Variants in DYNC2H1 observed in about 807,000 individuals in gnomAD.
DYNC2H1 encodes the protein dynein cytoplasmic 2 heavy chain 1, also known as cytoplasmic dynein 2 heavy chain 1.
DYNC2H1 carries 410 observed loss-of-function variants against 570.0 expected under a neutral mutation model. The ratio of observed to expected loss-of-function variants is 0.72; its 90% CI spans 0.66 to 0.78. The LOEUF (loss-of-function observed/expected upper bound fraction) is 0.78, where lower values mean the gene tolerates loss of function less well. Ranked by LOEUF, DYNC2H1 falls within the 30% of genes least tolerant of loss-of-function variation. DYNC2H1 has a pLI of 0.00. For missense variants in DYNC2H1, 4,865 were observed against 5,046.4 expected, an observed-to-expected ratio of 0.96 and a Z score of 1.09; for synonymous variants, 1,688 against 1,677.6, an observed-to-expected ratio of 1.01 and a Z score of -0.15.
intron 82 of DYNC2H1, among the ~76,000 whole-genome samples, chr11:103,339,273 G>A (rs1469738803): frequency 6.6e-6 from 1 of 152,092 alleles, no homozygotes; most frequent in African/African-American, 2.4e-5. Flanking sequence ...CACCATGAAA[G>A]CCTGAGGCCT....
intron 84 of DYNC2H1, among the ~76,000 whole-genome samples, chr11:103,424,231 A>G (rs1258101928): frequency 1.3e-5 from 2 of 150,098 alleles, no homozygotes; most frequent in Non-Finnish European, 2.9e-5. Context: ...TAGAGAGGTG[A>G]CTTTGATGGT....
intron 79 of DYNC2H1, among the ~76,000 whole-genome samples, chr11:103,313,450 A>G (rs1229377882): frequency 1.3e-5 from 2 of 151,886 alleles, no homozygotes; most frequent in Non-Finnish European, 2.9e-5. Context: ...AATTTTTCCC[A>G]TCCTCTTTTT....
At chr11:103,284,755 AT>A (rs11352535) in intron 73 of DYNC2H1, among the ~76,000 whole-genome samples, 25,298 of 152,166 alleles carry the variant, frequency 0.17, 2,275 homozygotes, top group Admixed American at 0.25. Context: ...TGGATAATGC[AT>A]TTTTTATATA....
intron 88 of DYNC2H1, among the ~76,000 whole-genome samples, chr11:103,477,314 G>A (rs1477960406): frequency 6.6e-6 from 1 of 152,078 alleles, no homozygotes; most frequent in Non-Finnish European, 1.5e-5. Context: ...AATTCTCTGT[G>A]GGCTTCTGAA....
chr11:103,397,999 T>A (rs1360052293), intron 83 of DYNC2H1, among the ~76,000 whole-genome samples: 1 of 152,218 alleles, frequency 6.6e-6, no homozygotes, highest in East Asian at 1.9e-4. Flanking sequence ...TTTGTTCTAT[T>A]AAGTGACAGT....
At chr11:103,437,521 A>G (rs1471874138) in intron 85 of DYNC2H1, among the ~76,000 whole-genome samples, 1 of 151,248 alleles carries the variant, frequency 6.6e-6, no homozygotes. Context: ...AAAAAAAAGT[A>G]CTAGATCTGG....
chr11:103,148,684 A>T, intron 20 of DYNC2H1, 67 bp downstream of exon 20: 1 of 1,477,968 alleles, frequency 6.8e-7, no homozygotes, highest in East Asian at 2.5e-5. Context: ...AAATTAGGTA[A>T]TTTTATGTCA....
At chr11:103,212,073 A>C (rs1863178326) in intron 54 of DYNC2H1, 130 bp downstream of exon 54, 3 of 1,143,524 alleles carry the variant, frequency 2.6e-6, no homozygotes, top group African/African-American at 1.6e-5. Flanking sequence ...GCCTTGGAAA[A>C]CAGTCTCACT....
In DYNC2H1 at chr11:103,225,955, AT is replaced by A. The variant is rs35928432; in HGVS notation, c.9353+2881del. ...TCCTTGGTTAGGTGTATTCCTAAGT[AT>A]TTTTTTTTTTTACAGCTACTGTAAA... On this transcript the variant is annotated intron_variant, in intron 59 of 88. Transcript: ENST00000375735. Among the ~76,000 whole-genome samples, 80 of 147,560 alleles carry A rather than the reference AT, an allele frequency of 5.4e-4. 1 individual carries two copies. The highest frequency in any genetic ancestry group is 6.7e-4 in the African/African-American group (27 of 40,260).
In DYNC2H1 at chr11:103,461,202, A is replaced by T. The variant is rs1944999217; in HGVS notation, c.12648+4846A>T. ...AATTAGTAAGTTCATTTGTCCATTT[A>T]GGCTCCTTTTAATTATGTTTTTCAG... On this transcript the variant is annotated intron_variant, in intron 87 of 88. Coordinates refer to ENST00000375735, the MANE Select transcript of DYNC2H1 (RefSeq NM_001377.3). The surrounding 1 kb of genome is among the most constrained non-coding windows in gnomAD (Gnocchi z 4.8). Among the ~76,000 whole-genome samples, 1 of 152,178 alleles carries T rather than the reference A, an allele frequency of 6.6e-6. No individual in the cohort carries two copies. The highest frequency in any genetic ancestry group is 1.5e-5 in the Non-Finnish European group (1 of 68,020).
At position 103,116,646 on chromosome 11, in the gene DYNC2H1, A is replaced by T. The variant is rs781622342; in HGVS notation, c.698A>T (p.Asp233Val). ...GAGACTACTCAGGATGTTGTAGATG[A>T]TGTGTGGAGACAAACAGAACATGAT... ...LVETTQDVVD[D>V]VWRQTEHDHY... Residue 233 changes from aspartate to valine, a missense_variant, in exon 5 of 89, where the codon GAT becomes GTT. Asp to Val is a radical substitution (Grantham distance 152, BLOSUM62 -3). Transcript: ENST00000375735. The T allele has an allele frequency of 5.6e-6, 9 of 1,609,896 alleles. No homozygotes were observed. In the Admixed American group the frequency reaches 1.3e-4, roughly 24 times the overall value.
chr11:103,314,749 A>T (rs1240925509), intron 79 of DYNC2H1, among the ~76,000 whole-genome samples: 1 of 151,918 alleles, frequency 6.6e-6, no homozygotes, highest in African/African-American at 2.4e-5. Flanking sequence ...TATACCTATG[A>T]CATGGTCTCT....
chr11:103,242,596 T>G (rs985865098), intron 63 of DYNC2H1, among the ~76,000 whole-genome samples: 2 of 152,236 alleles, frequency 1.3e-5, no homozygotes, highest in African/African-American at 4.8e-5. Flanking sequence ...GTTTAAATTT[T>G]AGTAGGTAGC....
chr11:103,388,162 A>G lies in DYNC2H1; in HGVS notation c.12157-11501A>G, dbSNP rs529228784. ...ATGGAATGTTCTTCGATTTGTTTGTATCCTCTTTTATTTCCTTGAGCAGTG... is the reference window on the plus strand; with the variant it reads ...ATGGAATGTTCTTCGATTTGTTTGTGTCCTCTTTTATTTCCTTGAGCAGTG... On this transcript the variant is annotated intron_variant, in intron 83 of 88. Coordinates refer to ENST00000375735, the MANE Select transcript of DYNC2H1 (RefSeq NM_001377.3). Among the ~76,000 whole-genome samples, 18 of 152,050 alleles carry G rather than the reference A, an allele frequency of 1.2e-4. No homozygotes were observed. The East Asian group carries it at 3.3e-3, about 28-fold the overall frequency.
chr11:103,124,954 C>A (rs866385423), intron 11 of DYNC2H1, 146 bp from the exon 12 acceptor site: 5 of 546,916 alleles, frequency 9.1e-6, no homozygotes, highest in Non-Finnish European at 1.2e-5. Flanking sequence ...ATGGAAAAAA[C>A]CCACAACTTA....
At position 103,280,668 on chromosome 11, in the gene DYNC2H1, C is replaced by T. The variant is rs1866094800; in HGVS notation, c.10761+255C>T. Among the ~76,000 whole-genome samples, 1 of 152,100 alleles carries T rather than the reference C, an allele frequency of 6.6e-6. No homozygotes were observed. Among genetic ancestry groups the T allele is most frequent in the Non-Finnish European group, 1.5e-5 (1 of 67,986 alleles). ...CTACATTTTTCTGAACCCAAGTTCACTTACTTAGGGCAACAGAAGAGTCAG... is the reference window on the plus strand; with the variant it reads ...CTACATTTTTCTGAACCCAAGTTCATTTACTTAGGGCAACAGAAGAGTCAG... On this transcript the variant is annotated intron_variant, in intron 71 of 88. Transcript: ENST00000375735. The surrounding 1 kb of genome is among the most constrained non-coding windows in gnomAD (Gnocchi z 4.7).
intron 84 of DYNC2H1, 50 bp from the exon 85 acceptor site, chr11:103,435,893 T>A (rs760453782): frequency 8.9e-6 from 14 of 1,571,824 alleles, no homozygotes; most frequent in Non-Finnish European, 1.2e-5. Context: ...TAGTCTTCTA[T>A]ATGTAGTATC....
intron 85 of DYNC2H1, 200 bp from the exon 86 acceptor site, chr11:103,454,986 C>T (rs1007423816): frequency 5.0e-5 from 24 of 482,670 alleles, no homozygotes; most frequent in Non-Finnish European, 7.3e-5. Context: ...TGCAAGGAAT[C>T]GTATTTAAGA....
Position 103,199,077 on chromosome 11 carries a change from A to T in DYNC2H1, c.7840-151A>T, listed in dbSNP as rs983748906. The stretch of plus-strand genomic sequence containing the variant: ...ATATATTTATCCAGGATTACCAGAC[A>T]TATAAAATATTGAGTGTGAGATGAT... On this transcript the variant is annotated intron_variant, in intron 48 of 88. Coordinates refer to ENST00000375735, the MANE Select transcript of DYNC2H1 (RefSeq NM_001377.3). This position sits in a 1 kb window ranked among gnomAD's most constrained non-coding sequence, Gnocchi z 4.6. 3 of 477,032 alleles carry T rather than the reference A, an allele frequency of 6.3e-6. No homozygotes were observed. The highest frequency in any genetic ancestry group is 1.0e-5 in the Non-Finnish European group (3 of 286,158). 29.5% of individuals were successfully genotyped at this position (477,032 alleles called of 1,614,324 possible).
Sources: gnomAD v4.1 joint callset for allele counts (sites outside exome capture counted in the v4.1 genomes callset) on GRCh38, gnomAD v4.1.1 for gene constraint, Gnocchi (gnomAD v3.1) non-coding constraint, MANE v1.5 for transcripts, NCBI Gene and HGNC (gene_info 2026-07-23, HGNC 2026-07-21) for gene names.